Variants in KIAA0319L observed in about 807,000 individuals in gnomAD.
KIAA0319L encodes the protein KIAA0319 like, also known as dyslexia-associated protein KIAA0319-like protein.
Under a neutral mutation model 120.1 loss-of-function variants are expected in KIAA0319L, and 55 were observed. The ratio of observed to expected loss-of-function variants is 0.46; its 90% CI spans 0.37 to 0.57. The LOEUF (loss-of-function observed/expected upper bound fraction) is 0.57. Among genes scored for constraint, KIAA0319L ranks in the 20% least tolerant of loss-of-function variants. The pLI, the probability that KIAA0319L is intolerant of heterozygous loss-of-function variation, is 0.00. For missense variants in KIAA0319L, 1,049 were observed against 1,255.3 expected (o/e 0.84, Z 2.48); for synonymous variants, 398 against 471.9 (o/e 0.84, Z 2.03).
intron 2 of KIAA0319L, among the ~76,000 whole-genome samples, chr1:35,532,519 T>C (rs979387472): frequency 3.3e-5 from 5 of 152,226 alleles, no homozygotes; most frequent in Non-Finnish European, 5.9e-5. Context: ...TGAAGAATAA[T>C]TTAACTTAAG....
At chr1:35,479,246 A>T in intron 3 of KIAA0319L, 34 bp from the exon 4 acceptor site, 1 of 1,570,496 alleles carries the variant, frequency 6.4e-7, no homozygotes, top group Non-Finnish European at 8.7e-7. Context: ...TGAGTAGGTA[A>T]AAGTTACATA....
At chr1:35,521,697 G>A (rs1645924065) in intron 2 of KIAA0319L, among the ~76,000 whole-genome samples, 1 of 151,256 alleles carries the variant, frequency 6.6e-6, no homozygotes, top group African/African-American at 2.4e-5. Flanking sequence ...AGTAGGCCGA[G>A]AGCGGTGGCT....
intron 5 of KIAA0319L, among the ~76,000 whole-genome samples, chr1:35,471,730 A>G (rs915350662): frequency 6.6e-6 from 1 of 152,202 alleles, no homozygotes; most frequent in Non-Finnish European, 1.5e-5. Context: ...TACTAACCAA[A>G]AGTAAAAAAG....
At chr1:35,436,411 G>A (rs528937758) in intron 20 of KIAA0319L, among the ~76,000 whole-genome samples, 14 of 152,232 alleles carry the variant, frequency 9.2e-5, no homozygotes, top group African/African-American at 3.1e-4. Flanking sequence ...CTGAGTCTTC[G>A]GGCAGCGGAG....
At chr1:35,502,356 CG>C (rs1645039926) in intron 3 of KIAA0319L, among the ~76,000 whole-genome samples, 1 of 150,922 alleles carries the variant, frequency 6.6e-6, no homozygotes, top group African/African-American at 2.4e-5. Context: ...AGTTAATACA[CG>C]TAAAGGGTTC....
intron 17 of KIAA0319L, 115 bp from the exon 18 acceptor site, chr1:35,443,143 GTCC>G (rs1182287083): frequency 3.1e-6 from 4 of 1,284,256 alleles, no homozygotes; most frequent in Non-Finnish European, 3.3e-6. Context: ...GTGGTGAAAT[GTCC>G]TCGAGACCCA....
intron 2 of KIAA0319L, among the ~76,000 whole-genome samples, chr1:35,553,562 A>G (rs1421114634): frequency 2.0e-5 from 3 of 152,246 alleles, no homozygotes; most frequent in African/African-American, 7.2e-5. Flanking sequence ...ATTATAAGGG[A>G]AAAAGGCTGA....
intron 2 of KIAA0319L, among the ~76,000 whole-genome samples, chr1:35,516,029 T>A (rs1345438003): frequency 6.6e-6 from 1 of 151,988 alleles, no homozygotes. Flanking sequence ...AACAGACCAA[T>A]AATGAGCTCT....
At position 35,486,039 on chromosome 1, in the gene KIAA0319L, T is replaced by C. The variant is rs567895861; in HGVS notation, c.667-6827A>G. Reference sequence around the variant, plus strand: ...TGGAGGTAAGGACAGATGGGAAACATTCCAAGAAGACCACAGACTTCCACT... The same window carrying C: ...TGGAGGTAAGGACAGATGGGAAACACTCCAAGAAGACCACAGACTTCCACT... On this transcript the variant is annotated intron_variant, in intron 3 of 20. Transcript: ENST00000325722. 2.0e-5 allele frequency among the ~76,000 whole-genome samples: 3 copies of C among 152,274 alleles called. No homozygotes were observed. The South Asian group carries it at 6.2e-4, about 32-fold the overall frequency.
Position 35,478,947 on chromosome 1 carries a change from C to G in KIAA0319L, c.913+19G>C, listed in dbSNP as rs1439090629. ...ATGTTCTACTTTTTCCTTCTATCTC[C>G]AAGAGCAAAGGTCCTTACCTGGGTA... On this transcript the variant is annotated intron_variant, in intron 4 of 20. Coordinates refer to ENST00000325722, the MANE Select transcript of KIAA0319L (RefSeq NM_024874.5). The G allele has an allele frequency of 6.2e-7, 1 of 1,609,792 alleles. No homozygotes were observed. Among genetic ancestry groups the G allele is most frequent in the East Asian group, 2.2e-5 (1 of 44,844 alleles).
intron 3 of KIAA0319L, among the ~76,000 whole-genome samples, chr1:35,503,979 G>A (rs572558725): frequency 6.8e-6 from 1 of 147,964 alleles, no homozygotes; most frequent in Non-Finnish European, 1.5e-5. Flanking sequence ...TCCACCTCCT[G>A]GGTTCAAGCG....
intron 16 of KIAA0319L, 95 bp from the exon 17 acceptor site, chr1:35,444,398 C>T: frequency 3.2e-6 from 4 of 1,239,762 alleles, no homozygotes; most frequent in Non-Finnish European, 3.3e-6. Flanking sequence ...GTGACAGACA[C>T]TGTGCTAAGT....
chr1:35,465,880 C>CT (rs1643226731), intron 7 of KIAA0319L, among the ~76,000 whole-genome samples: 1 of 152,124 alleles, frequency 6.6e-6, no homozygotes, highest in South Asian at 2.1e-4. Context: ...CACAAACTCT[C>CT]TTTTTGCTTG....
intron 12 of KIAA0319L, among the ~76,000 whole-genome samples, chr1:35,452,782 T>C (rs1314533492): frequency 6.6e-6 from 1 of 152,196 alleles, no homozygotes; most frequent in African/African-American, 2.4e-5. Context: ...GTCATTTGTA[T>C]AGTCAAATTA....
chr1:35,479,966 A>AAAAAAAAC (rs1644090904), intron 3 of KIAA0319L, among the ~76,000 whole-genome samples: 8 of 130,802 alleles, frequency 6.1e-5, no homozygotes, highest in Admixed American at 1.7e-4. Flanking sequence ...AAAAAAAAAA[A>AAAAAAAAC]AAAAAACACA....
intron 3 of KIAA0319L, among the ~76,000 whole-genome samples, chr1:35,493,888 AACT>A (rs1352046337): frequency 1.3e-5 from 2 of 152,038 alleles, no homozygotes; most frequent in Non-Finnish European, 2.9e-5. Flanking sequence ...TGTACACCAA[AACT>A]ACAACACGTC....
chr1:35,451,851 CAAT>C, intron 12 of KIAA0319L, 75 bp from the exon 13 acceptor site: 10 of 1,450,982 alleles, frequency 6.9e-6, no homozygotes, highest in Non-Finnish European at 9.4e-6. Context: ...CAGGAGGAGA[CAAT>C]GACTCCCTCA....
At position 35,484,101 on chromosome 1, in the gene KIAA0319L, A is replaced by G. The variant is rs117623514; in HGVS notation, c.667-4889T>C. The stretch of plus-strand genomic sequence containing the variant: ...AACTAATTACATCTGCCAAGACCCT[A>G]TTCCCAAATAAGGTCACATGCTGAG... On this transcript the variant is annotated intron_variant, in intron 3 of 20. Coordinates refer to ENST00000325722, the MANE Select transcript of KIAA0319L (RefSeq NM_024874.5). Among the ~76,000 whole-genome samples the G allele has an allele frequency of 7.9e-5, 12 of 152,310 alleles. 1 individual carries two copies. The East Asian group carries it at 2.3e-3, about 29-fold the overall frequency.
At chr1:35,555,707 T>G (rs1427758045) in intron 1 of KIAA0319L, among the ~76,000 whole-genome samples, 1 of 152,232 alleles carries the variant, frequency 6.6e-6, no homozygotes, top group Non-Finnish European at 1.5e-5. Context: ...CGAGTGAGTA[T>G]GCATGTGTGC....
Sources: allele counts gnomAD v4.1 joint callset (sites outside exome capture counted in the v4.1 genomes callset), GRCh38; gene constraint gnomAD v4.1.1; transcripts MANE v1.5; gene names NCBI Gene and HGNC (gene_info 2026-07-23, HGNC 2026-07-21).